Variants in CA11 observed in about 807,000 individuals in gnomAD.
The protein encoded by CA11 is carbonic anhydrase 11 (inactive).
Under a neutral mutation model 39.3 loss-of-function variants are expected in CA11, and 20 were observed. That is an observed-to-expected ratio of 0.51 (90% CI 0.36 to 0.74). The LOEUF (loss-of-function observed/expected upper bound fraction) is 0.74. Among genes scored for constraint, CA11 ranks in the 30% least tolerant of loss-of-function variants. The pLI, the probability that CA11 is intolerant of heterozygous loss-of-function variation, is 0.00. For synonymous variants in CA11, 166 were observed against 172.5 expected, an observed-to-expected ratio of 0.96 and a Z score of 0.29; for missense variants, 336 against 424.6, an observed-to-expected ratio of 0.79 and a Z score of 1.83.
rs2031233530 is a variant in CA11, at chr19:48,645,831, T to C, written c.-199A>G. The C allele has an allele frequency of 1.9e-6, 1 of 537,930 alleles. No individual in the cohort carries two copies. Among genetic ancestry groups the C allele is most frequent in the Non-Finnish European group, 3.2e-6 (1 of 307,824 alleles). The allele number at this position is 537,930 out of a possible 1,614,324, so 33.3% of individuals were successfully genotyped here. A position where few individuals can be genotyped will look rare whatever the true frequency, so the allele number is the denominator to read the frequency against. ...AAACCCACTCTTCTTCTCTCTCCCG[T>C]CTCTCTGTGTCTTTCCTCTTTCCTC... On this transcript the variant is annotated 5_prime_UTR_variant, in exon 1 of 9. Coordinates refer to ENST00000084798, the MANE Select transcript of CA11 (RefSeq NM_001217.5).
At chr19:48,642,897 G>A (rs1016509803) in intron 3 of CA11, among the ~76,000 whole-genome samples, 13 of 152,164 alleles carry the variant, frequency 8.5e-5, no homozygotes, top group Admixed American at 2.0e-4. Flanking sequence ...CTTTTGGCTG[G>A]GGCAGCTAAA....
intron 3 of CA11, among the ~76,000 whole-genome samples, chr19:48,641,327 T>C (rs2031080682): frequency 6.6e-6 from 1 of 152,234 alleles, no homozygotes; most frequent in Non-Finnish European, 1.5e-5. Flanking sequence ...CTGACCACTT[T>C]CCAGGCTCTG....
Position 48,639,420 on chromosome 19 carries a change from A to G in CA11, c.680T>C (p.Leu227Pro). The change falls in exon 7 of 9, where the codon CTG (leucine) becomes CCG (proline). Residue 227 changes from leucine (L) to proline (P), a missense_variant. Leu to Pro is a moderately conservative substitution (Grantham distance 98). Coordinates refer to ENST00000084798, the MANE Select transcript of CA11 (RefSeq NM_001217.5). ...GATGAAGCCGAAGGATTCAGGGAACAGGAGCTCCAGGCTCAGGTCTTGAAG... is the reference window on the plus strand; with the variant it reads ...GATGAAGCCGAAGGATTCAGGGAACGGGAGCTCCAGGCTCAGGTCTTGAAG... ...YFLQDLSLEL[L>P]FPESFGFITY... 6.2e-7 allele frequency: 1 copy of G among 1,613,896 alleles called. No individual in the cohort carries two copies.
chr19:48,638,792 G>C, intron 8 of CA11, 96 bp downstream of exon 8: 1 of 1,289,156 alleles, frequency 7.8e-7, no homozygotes, highest in Non-Finnish European at 1.0e-6. Context: ...ATAGACGCAG[G>C]AAGGAGGATG....
At chr19:48,638,312 A>G (rs1392919055) in intron 8 of CA11, 168 bp from the exon 9 acceptor site, 7 of 1,050,318 alleles carry the variant, frequency 6.7e-6, no homozygotes, top group Admixed American at 1.4e-4. Flanking sequence ...CAAGAAGCCA[A>G]TAGGAGGGGG....
Position 48,640,245 on chromosome 19 carries a change from G to A in CA11, c.321C>T (p.Val107=). 6.2e-7 allele frequency: 1 copy of A among 1,613,962 alleles called. No homozygotes were observed. The highest frequency in any genetic ancestry group is 8.5e-7 in the Non-Finnish European group (1 of 1,179,996). ...CAGGTCGGGGTGCAGGCAGGAAGGAGACATGTCGGCCGGTGTTGTACAAGG... is the reference window on the plus strand; with the variant it reads ...CAGGTCGGGGTGCAGGCAGGAAGGAAACATGTCGGCCGGTGTTGTACAAGG... ...RGTLYNTGRH[V]SFLPAPRPVV... The change falls in exon 4 of 9, where the codon GTC becomes GTT. Residue 107 remains valine (V), a synonymous_variant. Transcript: ENST00000084798.
At chr19:48,645,538 G>T in intron 1 of CA11, 28 bp downstream of exon 1, 1 of 1,597,478 alleles carries the variant, frequency 6.3e-7, no homozygotes, top group Non-Finnish European at 8.5e-7. Context: ...CTCCCTCGGG[G>T]GCTCCTCCCG....
In CA11 at chr19:48,639,676, C is replaced by T. The variant is rs556886440; in HGVS notation, c.568-55G>A. The T allele has an allele frequency of 6.9e-6, 11 of 1,601,748 alleles. No individual in the cohort carries two copies. The East Asian group carries it at 2.2e-4, about 33-fold the overall frequency. On this transcript the variant is annotated intron_variant, in intron 5 of 8. Coordinates refer to ENST00000084798, the MANE Select transcript of CA11 (RefSeq NM_001217.5). ...GAGCCCAGAAGTCCAAGCCCTCAACCTTCTCCTCCCCCAGGACCCAGGAGT... is the reference window on the plus strand; with the variant it reads ...GAGCCCAGAAGTCCAAGCCCTCAACTTTCTCCTCCCCCAGGACCCAGGAGT...
Position 48,645,461 on chromosome 19 carries a change from T to G in CA11, c.84A>C (p.Ala28=). 1.2e-6 allele frequency: 2 copies of G among 1,603,264 alleles called. No individual in the cohort carries two copies. ...AGCTCCACCAGTCCTCGGGGTCAGGTGCTGGTCCGATGTGAGCTGGGAAGA... is the reference window on the plus strand; with the variant it reads ...AGCTCCACCAGTCCTCGGGGTCAGGGGCTGGTCCGATGTGAGCTGGGAAGA... The part of the protein sequence containing the change: ...ALGAAAHIGP[A]PDPEDWWSYK... Residue 28 remains alanine (A), a synonymous_variant, in exon 2 of 9, where the codon GCA becomes GCC. Transcript: ENST00000084798.
rs199719031 is a variant in CA11, at chr19:48,640,284, T to C, written c.286-4A>G. 1.2e-6 allele frequency: 2 copies of C among 1,609,924 alleles called. No individual in the cohort carries two copies. Among genetic ancestry groups the C allele is most frequent in the East Asian group, 2.2e-5 (1 of 44,576 alleles). Reference sequence around the variant, plus strand: ...TGTTGTACAAGGTTCCCCGGAGCTGTGGGAGAGGCGGGAGCTGTCAGGGGG... The same window carrying C: ...TGTTGTACAAGGTTCCCCGGAGCTGCGGGAGAGGCGGGAGCTGTCAGGGGG... On this transcript the variant is annotated splice_polypyrimidine_tract_variant and splice_region_variant and intron_variant, in intron 3 of 8. Coordinates refer to ENST00000084798, the MANE Select transcript of CA11 (RefSeq NM_001217.5).
At position 48,640,293 on chromosome 19, in the gene CA11, C is replaced by T; in HGVS notation, c.286-13G>A. On this transcript the variant is annotated splice_polypyrimidine_tract_variant and intron_variant, in intron 3 of 8. Coordinates refer to ENST00000084798, the MANE Select transcript of CA11 (RefSeq NM_001217.5). ...AGGTTCCCCGGAGCTGTGGGAGAGG[C>T]GGGAGCTGTCAGGGGGCAGGGAGAG... is the stretch of plus-strand genomic sequence containing the variant. 1 of 1,551,376 alleles carries T rather than the reference C, an allele frequency of 6.4e-7. No homozygotes were observed. The highest frequency in any genetic ancestry group is 8.8e-7 in the Non-Finnish European group (1 of 1,142,480).
At chr19:48,638,267 G>C in intron 8 of CA11, 123 bp from the exon 9 acceptor site, 1 of 1,179,126 alleles carries the variant, frequency 8.5e-7, no homozygotes, top group South Asian at 3.2e-5. Context: ...CGGGGAACCA[G>C]AATGTACTAG....
chr19:48,645,274 T>A (rs764143099), intron 2 of CA11, 129 bp downstream of exon 2: 10 of 769,910 alleles, frequency 1.3e-5, no homozygotes, highest in Non-Finnish European at 2.1e-5. Flanking sequence ...GCCCGACTCC[T>A]GAGGGACAGA....
In CA11 at chr19:48,638,128, A is replaced by T; in HGVS notation, c.978T>A (p.His326Gln). Reference sequence around the variant, plus strand: ...TCCTCGAAGGGGAGTCTCAGCGACCATGGGGGACACCATCCACTGTAAGAC... The same window carrying T: ...TCCTCGAAGGGGAGTCTCAGCGACCTTGGGGGACACCATCCACTGTAAGAC... Reference protein sequence around the residue: ...NYRLHVDGVPHGR With the variant: ...NYRLHVDGVPQGR The change falls in exon 9 of 9, where the codon CAT becomes CAA. Residue 326 changes from histidine (H) to glutamine (Q), a missense_variant. Coordinates refer to ENST00000084798, the MANE Select transcript of CA11 (RefSeq NM_001217.5). 1 of 1,267,992 alleles carries T rather than the reference A, an allele frequency of 7.9e-7. No individual in the cohort carries two copies. The highest frequency in any genetic ancestry group is 1.7e-5 in the South Asian group (1 of 60,226). 78.5% of individuals were successfully genotyped at this position (1,267,992 alleles called of 1,614,324 possible). A position where few individuals can be genotyped will look rare whatever the true frequency, so the allele number is the denominator to read the frequency against.
intron 4 of CA11, 60 bp from the exon 5 acceptor site, chr19:48,639,943 C>G: frequency 1.3e-6 from 2 of 1,553,662 alleles, no homozygotes; most frequent in Middle Eastern, 3.4e-4. Context: ...ATGACCCCAG[C>G]TTTGGGGGCC....
intron 3 of CA11, 84 bp downstream of exon 3, chr19:48,644,343 C>T (rs1309449327): frequency 6.0e-6 from 8 of 1,341,788 alleles, no homozygotes; most frequent in East Asian, 4.8e-5. Flanking sequence ...CAAGGCTGCT[C>T]TCCTACCTCA....
rs541610646 is a variant in CA11 at position 48,639,829 on chromosome 19, G to A, written c.526C>T (p.Arg176Cys). The change falls in exon 5 of 9, where the codon CGC becomes TGC. Residue 176 changes from arginine (R) to cysteine (C), a missense_variant. Physicochemically the swap from Arg to Cys is radical, Grantham distance 180 (BLOSUM62 -3). Transcript: ENST00000084798. ...ELYGNFSAAS[R>C]GPNGLAILSL... Reference sequence around the variant, plus strand: ...AGAATGGCCAGGCCATTGGGGCCGCGGGAGGCAGCGCTGAAATTCCCGTAG... The same window carrying A: ...AGAATGGCCAGGCCATTGGGGCCGCAGGAGGCAGCGCTGAAATTCCCGTAG... 1.9e-6 allele frequency: 3 copies of A among 1,614,138 alleles called. No individual in the cohort carries two copies. The highest frequency in any genetic ancestry group is 2.2e-5 in the East Asian group (1 of 44,880).
Position 48,644,495 on chromosome 19 carries a change from C to T in CA11, c.217G>A (p.Val73Met). Residue 73 changes from valine to methionine, a missense_variant, in exon 3 of 9, where the codon GTG (valine) becomes ATG (methionine). Val to Met is a conservative substitution (Grantham distance 21, BLOSUM62 1). Transcript: ENST00000084798. Reference protein sequence around the residue: ...AVGKRQSPVDVELKRVLYDPF... With the variant: ...AVGKRQSPVDMELKRVLYDPF... ...TCATAAAGAACCCTCTTCAGCTCCA[C>T]ATCCACGGGGCTCTGCCGCTTCCCC... 1 of 1,612,198 alleles carries T rather than the reference C, an allele frequency of 6.2e-7. No homozygotes were observed. Among genetic ancestry groups the T allele is most frequent in the African/African-American group, 1.3e-5 (1 of 75,024 alleles).
rs2031238618 is a variant in CA11 at position 48,645,997 on chromosome 19, C to T, written c.-365G>A. On this transcript the variant is annotated 5_prime_UTR_variant, in exon 1 of 9. Transcript: ENST00000084798. ...TCTCTTTTCATTAAGCTCTCCCAAG[C>T]CACCTAACTCCAGGTCTCCATCCCG... The T allele has an allele frequency of 2.4e-6, 1 of 412,282 alleles. No homozygotes were observed. The highest frequency in any genetic ancestry group is 4.3e-6 in the Non-Finnish European group (1 of 234,312). 25.5% of individuals were successfully genotyped at this position (412,282 alleles called of 1,614,324 possible). A position where few individuals can be genotyped will look rare whatever the true frequency, so the allele number is the denominator to read the frequency against.
Sources: allele counts gnomAD v4.1 joint callset (sites outside exome capture counted in the v4.1 genomes callset), GRCh38; gene constraint gnomAD v4.1.1; transcripts MANE v1.5; gene names NCBI Gene and HGNC (gene_info 2026-07-23, HGNC 2026-07-21).